SMCO4: variants seen among roughly 807,000 people sequenced by gnomAD.
SMCO4 encodes single-pass membrane protein with coiled-coil domains 4, also known as single-pass membrane and coiled-coil domain-containing protein 4.
A neutral mutation model predicts 3.6 loss-of-function variants in SMCO4; 4 were observed. The ratio of observed to expected loss-of-function variants is 1.11; its 90% CI spans 0.54 to 2.53. The LOEUF (loss-of-function observed/expected upper bound fraction) is 2.53. Ranked by LOEUF, SMCO4 falls within the 30% of genes most tolerant of loss-of-function variation. The pLI is 0.02. For synonymous variants in SMCO4, 36 were observed against 35.3 expected, an observed-to-expected ratio of 1.02 and a Z score of -0.07; for missense variants, 70 against 80.8, an observed-to-expected ratio of 0.87 and a Z score of 0.51.
chr11:93,514,111 C>T (rs1375341791), intron 1 of SMCO4, among the ~76,000 whole-genome samples: 1 of 151,852 alleles, frequency 6.6e-6, no homozygotes, highest in African/African-American at 2.4e-5. Flanking sequence ...GGTCATGATT[C>T]CACATGATGG....
rs1565383127 is a variant in SMCO4 at position 93,514,414 on chromosome 11, ATATAT to A, written c.-153-15071_-153-15067del. ...TATATATATATATATATATATATAT[ATATAT>A]ATAAAATTTGGTCTCTTCCAAAGAT... On this transcript the variant is annotated intron_variant, in intron 1 of 2. Coordinates refer to ENST00000298966, the MANE Select transcript of SMCO4 (RefSeq NM_020179.3). Among the ~76,000 whole-genome samples, 97 of 19,590 alleles carry A rather than the reference ATATAT, an allele frequency of 5.0e-3. 2 individuals carry two copies. The highest frequency in any genetic ancestry group is 8.8e-3 in the Non-Finnish European group (54 of 6,118). The allele number at this position is 19,590 out of a possible 152,430, so 12.9% of individuals were successfully genotyped here. A position where few individuals can be genotyped will look rare whatever the true frequency, so the allele number is the denominator to read the frequency against.
At chr11:93,502,085 C>A (rs919435460) in intron 1 of SMCO4, among the ~76,000 whole-genome samples, 1 of 152,006 alleles carries the variant, frequency 6.6e-6, no homozygotes, top group East Asian at 1.9e-4. Flanking sequence ...GGCTGATCTC[C>A]CAGATAATCT....
At chr11:93,485,410 G>A (rs1469240151) in intron 2 of SMCO4, among the ~76,000 whole-genome samples, 1 of 152,256 alleles carries the variant, frequency 6.6e-6, no homozygotes, top group Non-Finnish European at 1.5e-5. Flanking sequence ...CATCTATGCT[G>A]GAATGCGCTT....
At chr11:93,494,940 T>G (rs1948757456) in intron 2 of SMCO4, among the ~76,000 whole-genome samples, 1 of 152,038 alleles carries the variant, frequency 6.6e-6, no homozygotes. Flanking sequence ...CTGCCTACCT[T>G]TTGCACTCAA....
intron 1 of SMCO4, among the ~76,000 whole-genome samples, chr11:93,531,779 G>C (rs946595419): frequency 6.6e-6 from 1 of 152,316 alleles, no homozygotes; most frequent in Admixed American, 6.5e-5. Context: ...AAAGGGAAAA[G>C]TCAAGCTGGG....
chr11:93,547,207 G>A (rs1949321382), upstream of SMCO4, among the ~76,000 whole-genome samples: 1 of 152,150 alleles, frequency 6.6e-6, no homozygotes, highest in South Asian at 2.1e-4. Flanking sequence ...TGGTTTTTCT[G>A]TTTTTGCATC....
At chr11:93,534,420 A>G (rs1949200027) in intron 1 of SMCO4, among the ~76,000 whole-genome samples, 1 of 151,244 alleles carries the variant, frequency 6.6e-6, no homozygotes, top group South Asian at 2.1e-4. Flanking sequence ...GGAAAAGGGA[A>G]CACAAATAGG....
chr11:93,505,848 G>A (rs1042247690), intron 1 of SMCO4, among the ~76,000 whole-genome samples: 8 of 136,462 alleles, frequency 5.9e-5, no homozygotes, highest in Non-Finnish European at 9.3e-5. Context: ...AATGTATTAA[G>A]CCCTTGCAAT....
At chr11:93,548,651 T>C in the SMCO4 span, among the ~76,000 whole-genome samples, 9 of 152,348 alleles carry the variant, frequency 5.9e-5, no homozygotes, top group African/African-American at 7.2e-5. Context: ...AAGGAAGACC[T>C]GGACTTGAGG....
At position 93,478,759 on chromosome 11, in the gene SMCO4, G is replaced by T; in HGVS notation, c.*251C>A. 1 of 929,250 alleles carries T rather than the reference G, an allele frequency of 1.1e-6. No individual in the cohort carries two copies. Among genetic ancestry groups the T allele is most frequent in the Non-Finnish European group, 1.4e-6 (1 of 691,432 alleles). The allele number at this position is 929,250 out of a possible 1,614,324, so 57.6% of individuals were successfully genotyped here. A position where few individuals can be genotyped will look rare whatever the true frequency, so the allele number is the denominator to read the frequency against. Reference sequence around the variant, plus strand: ...CACACACACACACACACACATGCGCGCGCGCTTTGAAGTCTGAAAGGCACA... The same window carrying T: ...CACACACACACACACACACATGCGCTCGCGCTTTGAAGTCTGAAAGGCACA... On this transcript the variant is annotated 3_prime_UTR_variant, in exon 3 of 3. Transcript: ENST00000298966.
chr11:93,480,402 C>T (rs1948578115), intron 2 of SMCO4, among the ~76,000 whole-genome samples: 1 of 152,178 alleles, frequency 6.6e-6, no homozygotes, highest in Non-Finnish European at 1.5e-5. Flanking sequence ...TCCAGATGAA[C>T]TCGCCACCCC....
intron 1 of SMCO4, among the ~76,000 whole-genome samples, chr11:93,531,378 G>A (rs1949159796): frequency 6.6e-6 from 1 of 152,070 alleles, no homozygotes; most frequent in South Asian, 2.1e-4. Flanking sequence ...CAAGGTCTCA[G>A]TACCTGGATT....
chr11:93,538,333 G>A (rs1010294539), intron 1 of SMCO4, among the ~76,000 whole-genome samples: 5 of 152,128 alleles, frequency 3.3e-5, no homozygotes, highest in African/African-American at 9.7e-5. Flanking sequence ...CCCCATCTAG[G>A]GCAGATCAAC....
At chr11:93,530,591 A>G (rs564222259) in intron 1 of SMCO4, among the ~76,000 whole-genome samples, 12 of 152,288 alleles carry the variant, frequency 7.9e-5, no homozygotes, top group African/African-American at 2.9e-4. Context: ...CCATCTTACT[A>G]GAACAAAGGC....
At chr11:93,525,957 A>T (rs897307512) in intron 1 of SMCO4, among the ~76,000 whole-genome samples, 32 of 152,356 alleles carry the variant, frequency 2.1e-4, no homozygotes, top group African/African-American at 6.3e-4. Flanking sequence ...AAAAGCAAAA[A>T]GTCACAGAAG....
At chr11:93,532,782 A>C (rs1949175722) in intron 1 of SMCO4, among the ~76,000 whole-genome samples, 1 of 152,136 alleles carries the variant, frequency 6.6e-6, no homozygotes, top group African/African-American at 2.4e-5. Flanking sequence ...GAGCCCCCAG[A>C]TCCATGGGAA....
chr11:93,487,691 G>A (rs1237174745), intron 2 of SMCO4, among the ~76,000 whole-genome samples: 1 of 152,156 alleles, frequency 6.6e-6, no homozygotes, highest in Non-Finnish European at 1.5e-5. Flanking sequence ...TTAATAAAGT[G>A]CTTTTCTGTG....
chr11:93,529,254 C>T (rs1178236481), intron 1 of SMCO4, among the ~76,000 whole-genome samples: 1 of 152,232 alleles, frequency 6.6e-6, no homozygotes, highest in Admixed American at 6.5e-5. Context: ...ACTCACAAAA[C>T]ACATTTGTAA....
chr11:93,539,622 C>G (rs1316977545), intron 1 of SMCO4, among the ~76,000 whole-genome samples: 1 of 152,172 alleles, frequency 6.6e-6, no homozygotes, highest in Non-Finnish European at 1.5e-5. Flanking sequence ...ATTCTGGCAT[C>G]AGTCACAACA....
Sources: allele counts gnomAD v4.1 joint callset (sites outside exome capture counted in the v4.1 genomes callset), GRCh38; gene constraint gnomAD v4.1.1; transcripts MANE v1.5; gene names NCBI Gene and HGNC (gene_info 2026-07-23, HGNC 2026-07-21).